The following ZNRF2 variants were observed in gnomAD, a reference collection of about 807,000 sequenced individuals.
ZNRF2 encodes the protein zinc and ring finger 2.
ZNRF2 carries 16 observed loss-of-function variants against 20.4 expected under a neutral mutation model. The ratio of observed to expected loss-of-function variants is 0.79; its 90% CI spans 0.53 to 1.19. The LOEUF is 1.19. ZNRF2 is among the 50% of genes most tolerant of loss of function. ZNRF2 has a pLI of 0.00. For synonymous variants in ZNRF2, 178 were observed against 144.9 expected (o/e 1.23, Z -1.64); for missense variants, 363 against 332.4 (o/e 1.09, Z -0.72).
intron 1 of ZNRF2, among the ~76,000 whole-genome samples, chr7:30,318,226 A>G (rs1799408181): frequency 1.3e-5 from 2 of 152,142 alleles, no homozygotes; most frequent in Admixed American, 6.5e-5. Flanking sequence ...GGATTATTAT[A>G]AAGGTTAAAA....
Position 30,355,787 on chromosome 7 carries a change from G to A in ZNRF2, c.625G>A (p.Gly209Arg). The change falls in exon 3 of 5, where the codon GGA becomes AGA. Residue 209 changes from glycine to arginine, a missense_variant. Physicochemically the swap from Gly to Arg is moderately radical, Grantham distance 125. Around this residue, in one of 2 missense-constraint regions of ZNRF2, gnomAD observed 61 missense variants for 100.9 expected, o/e 0.60. Coordinates refer to ENST00000323037, the MANE Select transcript of ZNRF2 (RefSeq NM_147128.4). The part of the protein sequence containing the change: ...CAICLEELQQ[G>R]DTIARLPCLC... Reference sequence around the variant, plus strand: ...AATATGCCTTGAAGAATTGCAGCAGGGAGATACTATAGCACGACTGCCTTG... The same window carrying A: ...AATATGCCTTGAAGAATTGCAGCAGAGAGATACTATAGCACGACTGCCTTG... 6.2e-7 allele frequency: 1 copy of A among 1,613,544 alleles called. No individual in the cohort carries two copies. The highest frequency in any genetic ancestry group is 8.5e-7 in the Non-Finnish European group (1 of 1,179,734).
chr7:30,334,665 A>T (rs1036491860), intron 2 of ZNRF2, among the ~76,000 whole-genome samples: 1 of 152,218 alleles, frequency 6.6e-6, no homozygotes, highest in Admixed American at 6.5e-5. Flanking sequence ...TCCAAGTTAG[A>T]AGTCTATAAG....
rs375125910 is a variant in ZNRF2 at position 30,355,532 on chromosome 7, T to G, written c.566-196T>G. On this transcript the variant is annotated intron_variant, in intron 2 of 4. Transcript: ENST00000323037. ...AAATAGAAATGAAAACGTGAGACAATGGAAGTAAAGGTAAACATTATTCAG... is the reference window on the plus strand; with the variant it reads ...AAATAGAAATGAAAACGTGAGACAAGGGAAGTAAAGGTAAACATTATTCAG... Among the ~76,000 whole-genome samples, 10 of 152,272 alleles carry G rather than the reference T, an allele frequency of 6.6e-5. No homozygotes were observed. In the South Asian group the frequency reaches 2.1e-3, roughly 32 times the overall value.
Position 30,285,309 on chromosome 7 carries a change from C to T in ZNRF2, c.-49C>T. 6.6e-6 allele frequency: 7 copies of T among 1,065,924 alleles called. No individual in the cohort carries two copies. Among genetic ancestry groups the T allele is most frequent in the Non-Finnish European group, 7.9e-6 (7 of 885,114 alleles). The allele number at this position is 1,065,924 out of a possible 1,614,324, so 66.0% of individuals were successfully genotyped here. ...TAGCTCCCGCGCTCGCTCCCGCCCT[C>T]CCGGCTCTCGGGGCGCAGCGCGCGG... is the stretch of plus-strand genomic sequence containing the variant. On this transcript the variant is annotated 5_prime_UTR_variant, in exon 1 of 5. Coordinates refer to ENST00000323037, the MANE Select transcript of ZNRF2 (RefSeq NM_147128.4).
intron 1 of ZNRF2, among the ~76,000 whole-genome samples, chr7:30,286,706 C>T (rs1288213260): frequency 2.0e-5 from 3 of 152,170 alleles, no homozygotes; most frequent in Non-Finnish European, 4.4e-5. Context: ...TATTGCAAAA[C>T]GCTAATAGTA....
intron 1 of ZNRF2, among the ~76,000 whole-genome samples, chr7:30,287,311 T>G (rs553449301): frequency 6.6e-6 from 1 of 152,242 alleles, no homozygotes; most frequent in Non-Finnish European, 1.5e-5. Context: ...CAAACTGGTT[T>G]TTAATGTTTA....
At chr7:30,363,752 A>G (rs1172051475) in intron 4 of ZNRF2, among the ~76,000 whole-genome samples, 3 of 151,144 alleles carry the variant, frequency 2.0e-5, no homozygotes, top group South Asian at 2.1e-4. Context: ...GGGTATTTTC[A>G]TAGGGCTTTT....
chr7:30,306,774 A>G lies in ZNRF2; in HGVS notation c.470-16868A>G, dbSNP rs375559690. On this transcript the variant is annotated intron_variant, in intron 1 of 4. Coordinates refer to ENST00000323037, the MANE Select transcript of ZNRF2 (RefSeq NM_147128.4). ...AATTACAGACTTTCTTTGCCTTCCC[A>G]AGTCCACTTTTTGAAATAGCTGTTA... Among the ~76,000 whole-genome samples the G allele has an allele frequency of 2.2e-4, 34 of 152,180 alleles. No individual in the cohort carries two copies. The East Asian group carries it at 5.8e-3, about 26-fold the overall frequency.
chr7:30,306,223 G>A (rs1446619075), intron 1 of ZNRF2, among the ~76,000 whole-genome samples: 1 of 152,150 alleles, frequency 6.6e-6, no homozygotes, highest in Admixed American at 6.6e-5. Flanking sequence ...TAAATGGCGG[G>A]TATAAAGCTA....
intron 3 of ZNRF2, among the ~76,000 whole-genome samples, chr7:30,358,701 G>A (rs1207983566): frequency 6.6e-6 from 1 of 152,212 alleles, no homozygotes; most frequent in African/African-American, 2.4e-5. Context: ...AAATGGCACA[G>A]GTGAGCCAGT....
chr7:30,319,382 A>G (rs1394411488), intron 1 of ZNRF2, among the ~76,000 whole-genome samples: 1 of 152,176 alleles, frequency 6.6e-6, no homozygotes, highest in African/African-American at 2.4e-5. Context: ...TTTAATTCTC[A>G]CCAAATTTCT....
intron 2 of ZNRF2, among the ~76,000 whole-genome samples, chr7:30,331,613 A>G (rs1450060352): frequency 6.6e-6 from 1 of 152,196 alleles, no homozygotes; most frequent in Non-Finnish European, 1.5e-5. Context: ...GCAGAAAAAG[A>G]GATGGAATTG....
At chr7:30,306,069 A>G (rs74565631) in intron 1 of ZNRF2, among the ~76,000 whole-genome samples, 2,054 of 152,264 alleles carry the variant, frequency 0.013, 51 homozygotes, top group African/African-American at 0.046. Flanking sequence ...TAATAATAAT[A>G]ATAGTAGCTA....
At chr7:30,361,241 G>A (rs1316693104) in intron 3 of ZNRF2, among the ~76,000 whole-genome samples, 2 of 152,214 alleles carry the variant, frequency 1.3e-5, no homozygotes, top group East Asian at 3.8e-4. Flanking sequence ...AGAGCAGGCT[G>A]AAAACAATGT....
At chr7:30,342,933 G>A (rs762846320) in intron 2 of ZNRF2, among the ~76,000 whole-genome samples, 2 of 151,906 alleles carry the variant, frequency 1.3e-5, no homozygotes, top group South Asian at 2.1e-4. Flanking sequence ...TAGTTTTGCC[G>A]CATTGTGATC....
intron 2 of ZNRF2, among the ~76,000 whole-genome samples, chr7:30,347,948 T>C (rs538699886): frequency 6.6e-6 from 1 of 152,286 alleles, no homozygotes; most frequent in Admixed American, 6.5e-5. Flanking sequence ...CTTAGATACT[T>C]GATTTTTCTA....
rs1224140518 is a variant in ZNRF2 at position 30,285,519 on chromosome 7, C to G, written c.162C>G (p.Pro54=). 4.9e-6 allele frequency: 5 copies of G among 1,015,264 alleles called. No individual in the cohort carries two copies. The highest frequency in any genetic ancestry group is 1.8e-5 in the African/African-American group (1 of 56,336). 62.9% of individuals were successfully genotyped at this position (1,015,264 alleles called of 1,614,324 possible). ...AAAGRFPAQV[P]SAHQPSASGG... is the part of the protein sequence containing the mutation. Reference sequence around the variant, plus strand: ...CGGGGAGGTTCCCGGCTCAGGTGCCCAGCGCGCACCAGCCCAGCGCCTCCG... The same window carrying G: ...CGGGGAGGTTCCCGGCTCAGGTGCCGAGCGCGCACCAGCCCAGCGCCTCCG... The change falls in exon 1 of 5, where the codon CCC becomes CCG. Residue 54 remains proline (P), a synonymous_variant. Transcript: ENST00000323037.
intron 1 of ZNRF2, among the ~76,000 whole-genome samples, chr7:30,322,124 CTGTT>C (rs1799480223): frequency 6.6e-6 from 1 of 152,086 alleles, no homozygotes; most frequent in Non-Finnish European, 1.5e-5. Context: ...ATCCTCCTTC[CTGTT>C]TTTTTTCTTT....
chr7:30,355,758 G>A lies in ZNRF2; in HGVS notation c.596G>A (p.Cys199Tyr), dbSNP rs758403495. 1 of 1,613,548 alleles carries A rather than the reference G, an allele frequency of 6.2e-7. No individual in the cohort carries two copies. The highest frequency in any genetic ancestry group is 8.5e-7 in the Non-Finnish European group (1 of 1,179,642). Residue 199 changes from cysteine (C) to tyrosine (Y), a missense_variant, in exon 3 of 5, where the codon TGT becomes TAT. Cys to Tyr is a radical substitution (Grantham distance 194). Coordinates refer to ENST00000323037, the MANE Select transcript of ZNRF2 (RefSeq NM_147128.4). Reference protein sequence around the residue: ...EDVLSKDAGECAICLEELQQG... With the variant: ...EDVLSKDAGEYAICLEELQQG... ...GTACTGAGTAAAGATGCTGGGGAAT[G>A]TGCAATATGCCTTGAAGAATTGCAG... is the stretch of plus-strand genomic sequence containing the variant.
Sources: allele counts gnomAD v4.1 joint callset (sites outside exome capture counted in the v4.1 genomes callset), GRCh38; gene constraint gnomAD v4.1.1; regional missense constraint gnomAD v4.1.1; transcripts MANE v1.5; gene names NCBI Gene and HGNC (gene_info 2026-07-23, HGNC 2026-07-21).